RABL6: variants seen among roughly 807,000 people sequenced by gnomAD.
RABL6 encodes the protein RAB, member RAS oncogene family like 6, also known as rab-like protein 6.
RABL6 carries 28 observed loss-of-function variants against 72.9 expected under a neutral mutation model. The ratio of observed to expected loss-of-function variants is 0.38; its 90% CI spans 0.28 to 0.53. The LOEUF is 0.53. RABL6 is among the 20% of genes least tolerant of loss of function. The pLI, the probability that RABL6 is intolerant of heterozygous loss-of-function variation, is 0.80. For synonymous variants in RABL6, 477 were observed against 421.2 expected (o/e 1.13, Z -1.62); for missense variants, 1,029 against 1,008.4 (o/e 1.02, Z -0.28).
At position 136,825,683 on chromosome 9, in the gene RABL6, G is replaced by A. The variant is rs951295789; in HGVS notation, c.266-96G>A. 29 of 1,354,128 alleles carry A rather than the reference G, an allele frequency of 2.1e-5. No homozygotes were observed. In the African/African-American group the frequency reaches 3.9e-4, roughly 18 times the overall value. The allele number at this position is 1,354,128 out of a possible 1,614,324, so 83.9% of individuals were successfully genotyped here. On this transcript the variant is annotated intron_variant, in intron 2 of 14. Transcript: ENST00000311502. ...CTCGGAAGTCCTGGTGGGAGCCGGT[G>A]GCTGCGGGGCACAGACAACCACACC...
At chr9:136,840,290 A>G (rs1267560869) in intron 14 of RABL6, 32 bp from the exon 15 acceptor site, 3 of 1,607,972 alleles carry the variant, frequency 1.9e-6, no homozygotes, top group Non-Finnish European at 1.7e-6. Flanking sequence ...GCTTCCTGTG[A>G]CTCCATGGCG....
At chr9:136,839,606 T>C in intron 12 of RABL6, 88 bp from the exon 13 acceptor site, 10 of 1,547,822 alleles carry the variant, frequency 6.5e-6, no homozygotes, top group Non-Finnish European at 3.5e-6. Context: ...GTCCCCACAC[T>C]TGGGCCTTGC....
In RABL6 at chr9:136,840,684, C is replaced by A. The variant is rs1199128344; in HGVS notation, c.*162C>A. 5.8e-6 allele frequency: 9 copies of A among 1,549,170 alleles called. No individual in the cohort carries two copies. Among genetic ancestry groups the A allele is most frequent in the Non-Finnish European group, 6.1e-6 (7 of 1,146,840 alleles). On this transcript the variant is annotated 3_prime_UTR_variant, in exon 15 of 15. Coordinates refer to ENST00000311502, the MANE Select transcript of RABL6 (RefSeq NM_024718.5). Reference sequence around the variant, plus strand: ...TTGGTGGTCCCCAGGCTGGGCCCTGCAGGTGCTGGGCCTTCAGGCCCAGTG... The same window carrying A: ...TTGGTGGTCCCCAGGCTGGGCCCTGAAGGTGCTGGGCCTTCAGGCCCAGTG...
chr9:136,822,193 C>T (rs929073369), intron 1 of RABL6: 4 of 914,086 alleles, frequency 4.4e-6, no homozygotes, highest in Non-Finnish European at 5.8e-6. Context: ...GACAGAAAAC[C>T]TGGGGGGGGC....
At chr9:136,836,942 C>T (rs1212650275) in intron 8 of RABL6, 11 of 340,266 alleles carry the variant, frequency 3.2e-5, no homozygotes, top group East Asian at 1.6e-4. Flanking sequence ...GGTGTGATCT[C>T]GGCTCACCGC....
intron 1 of RABL6, among the ~76,000 whole-genome samples, chr9:136,820,340 G>T (rs1460614951): frequency 3.3e-5 from 5 of 152,130 alleles, no homozygotes; most frequent in South Asian, 2.1e-4. Context: ...GCTGGCTCTA[G>T]CCTGGGTGAC....
At chr9:136,822,635 C>G (rs1848262875) in intron 1 of RABL6, among the ~76,000 whole-genome samples, 1 of 152,294 alleles carries the variant, frequency 6.6e-6, no homozygotes, top group Admixed American at 6.5e-5. Flanking sequence ...TCCGTGCTCC[C>G]CTCCCAGCTG....
At chr9:136,822,176 TCC>T in intron 1 of RABL6, 1 of 1,057,508 alleles carries the variant, frequency 9.5e-7, no homozygotes, top group East Asian at 6.7e-5. Context: ...GAGCTTGGGG[TCC>T]CCCTGACAGA....
intron 8 of RABL6, 58 bp downstream of exon 8, chr9:136,835,903 G>C: frequency 6.8e-7 from 1 of 1,462,746 alleles, no homozygotes; most frequent in Non-Finnish European, 9.3e-7. Context: ...TGGCCGTGGT[G>C]CAGGGCCATG....
chr9:136,812,846 C>A (rs536135310), intron 1 of RABL6: 1 of 328,100 alleles, frequency 3.0e-6, no homozygotes, highest in South Asian at 3.0e-5. Context: ...GAAGCTGCCT[C>A]GCCCACCAAA....
At chr9:136,817,574 T>TGGGGAGGCCGACGTGGGCTGA (rs879603818) in intron 1 of RABL6, among the ~76,000 whole-genome samples, 73,321 of 104,440 alleles carry the variant, frequency 0.7, 28,450 homozygotes, top group Non-Finnish European at 0.77. Context: ...ACGTGGGCTG[T>TGGGGAGGCCGACGTGGGCTGA]GGGGAGGCCG....
At position 136,823,483 on chromosome 9, in the gene RABL6, G is replaced by C. The variant is rs114441485; in HGVS notation, c.131-42G>C. On this transcript the variant is annotated intron_variant, in intron 1 of 14. Coordinates refer to ENST00000311502, the MANE Select transcript of RABL6 (RefSeq NM_024718.5). ...CTCTTAAAGCTGCAGCTTGGGTTCG[G>C]TTCGTTTAATTTGCCTTTTCTTTTT... The C allele has an allele frequency of 3.5e-4, 568 of 1,610,128 alleles. 1 individual carries two copies. The African/African-American group carries it at 7.0e-3, about 20-fold the overall frequency.
Position 136,829,401 on chromosome 9 carries a change from T to C in RABL6, c.375T>C (p.Ser125=). 1 of 1,572,766 alleles carries C rather than the reference T, an allele frequency of 6.4e-7. No homozygotes were observed. Among genetic ancestry groups the C allele is most frequent in the Non-Finnish European group, 8.6e-7 (1 of 1,159,310 alleles). Residue 125 remains serine (S), a synonymous_variant, in exon 5 of 15, where the codon TCT becomes TCC. Coordinates refer to ENST00000311502, the MANE Select transcript of RABL6 (RefSeq NM_024718.5). ...KMENDPQEAE[S]EMALDAEFLD... is the part of the protein sequence containing the mutation. ...TTCCCTCCTGTCCCCAGGCGGAGTCTGAAATGGCCCTGGATGCTGAGTTCC... is the reference window on the plus strand; with the variant it reads ...TTCCCTCCTGTCCCCAGGCGGAGTCCGAAATGGCCCTGGATGCTGAGTTCC...
intron 4 of RABL6, 145 bp from the exon 5 acceptor site, chr9:136,829,248 C>T (rs1048080442): frequency 3.0e-6 from 2 of 673,804 alleles, no homozygotes; most frequent in East Asian, 2.7e-5. Flanking sequence ...GTTTAGCTAT[C>T]CCATCTCTTC....
chr9:136,832,826 TG>T lies in RABL6; in HGVS notation c.705+457del, dbSNP rs142493306. 3.4e-3 allele frequency: 1,076 copies of T among 315,462 alleles called. 17 individuals are homozygous for T. Among genetic ancestry groups the T allele is most frequent in the African/African-American group, 0.022 (1,014 of 46,126 alleles). The allele number at this position is 315,462 out of a possible 1,614,324, so 19.5% of individuals were successfully genotyped here. A position where few individuals can be genotyped will look rare whatever the true frequency, so the allele number is the denominator to read the frequency against. On this transcript the variant is annotated intron_variant, in intron 7 of 14. Coordinates refer to ENST00000311502, the MANE Select transcript of RABL6 (RefSeq NM_024718.5). The stretch of plus-strand genomic sequence containing the variant: ...ACATCTCACATTTCCCTGGTGCTTG[TG>T]TCAAAACCAAGGAACCAACTTTGGC...
rs199759206 is a variant in RABL6 at position 136,839,841 on chromosome 9, G to A, written c.1906G>A (p.Gly636Arg). The change falls in exon 13 of 15, where the codon GGA becomes AGA. Residue 636 changes from glycine (G) to arginine (R), a missense_variant. Gly to Arg is a moderately radical substitution (Grantham distance 125, BLOSUM62 -2). Around this residue, in one of 2 missense-constraint regions of RABL6, gnomAD observed 595 missense variants for 472.4 expected, o/e 1.26. Coordinates refer to ENST00000311502, the MANE Select transcript of RABL6 (RefSeq NM_024718.5). Reference protein sequence around the residue: ...DLFGLGLEEAGPKESSEEGKE... With the variant: ...DLFGLGLEEARPKESSEEGKE... Reference sequence around the variant, plus strand: ...CTTCGGGCTGGGGCTGGAGGAGGCCGGACCCAAGGAGAGCAGTGAGGAAGG... The same window carrying A: ...CTTCGGGCTGGGGCTGGAGGAGGCCAGACCCAAGGAGAGCAGTGAGGAAGG... 366 of 1,612,386 alleles carry A rather than the reference G, an allele frequency of 2.3e-4. No homozygotes were observed. The highest frequency in any genetic ancestry group is 2.1e-3 in the East Asian group (92 of 44,872).
chr9:136,821,585 G>T, intron 1 of RABL6: 4 of 986,408 alleles, frequency 4.1e-6, no homozygotes, highest in Non-Finnish European at 4.8e-6. Context: ...GCCCGACTGA[G>T]CCCAGAGCTG....
intron 1 of RABL6, chr9:136,814,370 CAG>C (rs1848074131): frequency 1.2e-5 from 2 of 160,930 alleles, no homozygotes; most frequent in Non-Finnish European, 2.7e-5. Context: ...TTAGTAGAGA[CAG>C]GGTTTCATTA....
intron 1 of RABL6, chr9:136,821,372 C>T (rs1032788571): frequency 1.0e-6 from 1 of 985,376 alleles, no homozygotes; most frequent in African/African-American, 1.7e-5. Context: ...CATGTGGAAA[C>T]CACCGGGAAG....
Sources: gnomAD v4.1 joint callset for allele counts (sites outside exome capture counted in the v4.1 genomes callset) on GRCh38, gnomAD v4.1.1 for gene constraint, gnomAD v4.1.1 regional missense constraint, MANE v1.5 for transcripts, NCBI Gene and HGNC (gene_info 2026-07-23, HGNC 2026-07-21) for gene names.